POPDC2: variants seen among roughly 807,000 people sequenced by gnomAD.
The protein encoded by POPDC2 is popeye domain cAMP effector 2, also known as popeye domain-containing protein 2.
POPDC2 carries 24 observed loss-of-function variants against 30.5 expected under a neutral mutation model. That is an observed-to-expected ratio of 0.79 (90% CI 0.57 to 1.11). POPDC2 has a LOEUF of 1.11. Ranked by LOEUF, POPDC2 falls within the 50% of genes least tolerant of loss-of-function variation. The pLI, the probability that POPDC2 is intolerant of heterozygous loss-of-function variation, is 0.00. For synonymous variants in POPDC2, 185 were observed against 183.3 expected (o/e 1.01, Z -0.07); for missense variants, 409 against 447.0 (o/e 0.91, Z 0.77).
At chr3:119,651,637 C>A (rs919123468) in intron 2 of POPDC2, among the ~76,000 whole-genome samples, 1 of 152,000 alleles carries the variant, frequency 6.6e-6, no homozygotes, top group Non-Finnish European at 1.5e-5. Flanking sequence ...TTTCTTCCCC[C>A]ACCCCACCGC....
At chr3:119,656,111 A>AT (rs921473762) in intron 1 of POPDC2, among the ~76,000 whole-genome samples, 8 of 152,004 alleles carry the variant, frequency 5.3e-5, no homozygotes, top group South Asian at 4.2e-4. Context: ...ACTAAAAAAA[A>AT]TTTTTTTTTA....
Position 119,643,400 on chromosome 3 carries a change from CT to C in POPDC2, c.*44-840del, listed in dbSNP as rs1246918474. ...GTCAGGGGATTCTGCCAGCTGCCAC[CT>C]TCCCTGAAAAGCCAAACTGGTGGAA... On this transcript the variant is annotated intron_variant, in intron 3 of 3. Coordinates refer to ENST00000493094, the MANE Select transcript of POPDC2 (RefSeq NM_001369919.2). 2.6e-6 allele frequency: 4 copies of C among 1,535,866 alleles called. No homozygotes were observed. In the South Asian group the frequency reaches 4.8e-5, roughly 18 times the overall value.
intron 1 of POPDC2, among the ~76,000 whole-genome samples, chr3:119,657,388 AT>A (rs1394868530): frequency 5.3e-5 from 8 of 152,242 alleles, no homozygotes; most frequent in African/African-American, 1.9e-4. Flanking sequence ...ACCAGCACCA[AT>A]TAAAAAAACA....
intron 3 of POPDC2, among the ~76,000 whole-genome samples, chr3:119,646,998 G>T (rs1007228606): frequency 4.6e-5 from 7 of 152,184 alleles, no homozygotes; most frequent in Admixed American, 1.3e-4. Flanking sequence ...CTCAGAATGA[G>T]CTGAACTATG....
upstream of POPDC2, chr3:119,660,655 TC>T (rs1207428664): frequency 4.3e-5 from 6 of 140,174 alleles, no homozygotes; most frequent in African/African-American, 1.4e-4. Context: ...TCTCCCCCTC[TC>T]CCCCCCTCTC....
chr3:119,651,886 G>T (rs990216381), intron 2 of POPDC2, among the ~76,000 whole-genome samples: 1 of 151,944 alleles, frequency 6.6e-6, no homozygotes, highest in South Asian at 2.1e-4. Context: ...CAACTGCCTC[G>T]GCCTCCCAAA....
At chr3:119,654,404 G>A in intron 2 of POPDC2, 101 bp downstream of exon 2, 4 of 792,420 alleles carry the variant, frequency 5.0e-6, no homozygotes, top group Non-Finnish European at 8.6e-6. Context: ...CACTGGCAGG[G>A]GTGCGAAGGA....
At chr3:119,651,196 G>C (rs2052803931) in intron 2 of POPDC2, among the ~76,000 whole-genome samples, 1 of 152,092 alleles carries the variant, frequency 6.6e-6, no homozygotes. Context: ...CCCCACCTCA[G>C]GGCCTTTGCA....
At chr3:119,644,182 G>C (rs1273237615) in intron 3 of POPDC2, among the ~76,000 whole-genome samples, 1 of 152,112 alleles carries the variant, frequency 6.6e-6, no homozygotes, top group African/African-American at 2.4e-5. Flanking sequence ...TTCATCATTT[G>C]CTTATTTAAA....
intron 2 of POPDC2, among the ~76,000 whole-genome samples, chr3:119,654,252 T>C (rs1173902770): frequency 6.6e-6 from 1 of 152,178 alleles, no homozygotes; most frequent in Non-Finnish European, 1.5e-5. Flanking sequence ...TTTTATGTTG[T>C]GGCACTAGGG....
At chr3:119,651,704 C>G (rs2052812508) in intron 2 of POPDC2, among the ~76,000 whole-genome samples, 1 of 151,492 alleles carries the variant, frequency 6.6e-6, no homozygotes, top group Admixed American at 6.6e-5. Flanking sequence ...GGTGTGATCT[C>G]AGCTCACTGC....
intron 3 of POPDC2, among the ~76,000 whole-genome samples, chr3:119,644,070 T>C (rs1005983397): frequency 6.6e-6 from 1 of 152,076 alleles, no homozygotes; most frequent in Non-Finnish European, 1.5e-5. Flanking sequence ...ATATAGTAAA[T>C]AGTGTTTATT....
In POPDC2 at chr3:119,648,119, A is replaced by T; in HGVS notation, c.*43T>A. On this transcript the variant is annotated splice_region_variant and 3_prime_UTR_variant, in exon 3 of 4. Coordinates refer to ENST00000493094, the MANE Select transcript of POPDC2 (RefSeq NM_001369919.2). ...CAGCGGCTGCCTTCTGAGTACTTAC[A>T]TAGGATCCTGAGCCGGTGGCTGTGC... 1 of 1,459,244 alleles carries T rather than the reference A, an allele frequency of 6.9e-7. No individual in the cohort carries two copies. Among genetic ancestry groups the T allele is most frequent in the South Asian group, 1.4e-5 (1 of 71,230 alleles). The allele number at this position is 1,459,244 out of a possible 1,614,324, so 90.4% of individuals were successfully genotyped here.
At chr3:119,650,442 C>T (rs1577169358) in intron 2 of POPDC2, among the ~76,000 whole-genome samples, 1 of 152,154 alleles carries the variant, frequency 6.6e-6, no homozygotes, top group South Asian at 2.1e-4. Context: ...CCTAGCAGTC[C>T]ACAAAGACTG....
chr3:119,644,627 G>A (rs2107812136), intron 3 of POPDC2, among the ~76,000 whole-genome samples: 1 of 152,294 alleles, frequency 6.6e-6, no homozygotes, highest in East Asian at 1.9e-4. Context: ...GTCTTAATTT[G>A]GATTGGTGTG....
chr3:119,645,111 A>G (rs1394235684), intron 3 of POPDC2, among the ~76,000 whole-genome samples: 1 of 152,182 alleles, frequency 6.6e-6, no homozygotes, highest in African/African-American at 2.4e-5. Context: ...TTCTCCCTAT[A>G]TTGCAAATTC....
intron 1 of POPDC2, 112 bp from the exon 2 acceptor site, chr3:119,654,725 G>T: frequency 2.6e-6 from 2 of 781,650 alleles, no homozygotes; most frequent in Non-Finnish European, 4.3e-6. Flanking sequence ...GAAATACTTT[G>T]CCTAAAGCAT....
Position 119,660,470 on chromosome 3 carries a change from A to G in POPDC2, c.-47T>C, listed in dbSNP as rs1169060600. On this transcript the variant is annotated 5_prime_UTR_variant, in exon 1 of 4. An upstream start codon of the reference 5' UTR is lost. Coordinates refer to ENST00000493094, the MANE Select transcript of POPDC2 (RefSeq NM_001369919.2). ...CACTGGGCTCTAATACTGTCCTCAC[A>G]TAGGAAATTCAGAAAATGAATGAAT... is the stretch of plus-strand genomic sequence containing the variant. 5 of 1,552,040 alleles carry G rather than the reference A, an allele frequency of 3.2e-6. No individual in the cohort carries two copies. Among genetic ancestry groups the G allele is most frequent in the Non-Finnish European group, 4.4e-6 (5 of 1,148,526 alleles).
At chr3:119,650,063 A>G (rs2052791737) in intron 2 of POPDC2, among the ~76,000 whole-genome samples, 1 of 152,260 alleles carries the variant, frequency 6.6e-6, no homozygotes, top group Non-Finnish European at 1.5e-5. Flanking sequence ...TAGTTCAGCA[A>G]GTAGTTGTCA....
Sources: gnomAD v4.1 joint callset for allele counts (sites outside exome capture counted in the v4.1 genomes callset) on GRCh38, gnomAD v4.1.1 for gene constraint, MANE v1.5 for transcripts, NCBI Gene and HGNC (gene_info 2026-07-23, HGNC 2026-07-21) for gene names.